Variants in FBXW7 observed in about 807,000 individuals in gnomAD.
The protein encoded by FBXW7 is F-box and WD repeat domain containing 7, also known as F-box/WD repeat-containing protein 7.
FBXW7 carries 11 observed loss-of-function variants against 86.3 expected under a neutral mutation model. That is an observed-to-expected ratio of 0.13 (90% CI 0.08 to 0.21). The LOEUF is 0.21. Among genes scored for constraint, FBXW7 ranks in the 10% least tolerant of loss-of-function variants. FBXW7 has a pLI of 1.00. For missense variants in FBXW7, 488 were observed against 847.4 expected (o/e 0.58, Z 5.27); for synonymous variants, 313 against 297.9 (o/e 1.05, Z -0.52).
chr4:152,493,650 C>A (rs1746062060), intron 2 of FBXW7, among the ~76,000 whole-genome samples: 1 of 152,012 alleles, frequency 6.6e-6, no homozygotes, highest in African/African-American at 2.4e-5. Flanking sequence ...ACACAGACAC[C>A]AGAAATGCAT....
At chr4:152,504,532 A>C (rs1384401853) in intron 2 of FBXW7, among the ~76,000 whole-genome samples, 1 of 152,190 alleles carries the variant, frequency 6.6e-6, no homozygotes, top group Non-Finnish European at 1.5e-5. Context: ...AAATGGATAC[A>C]GTTTTGCTTC....
chr4:152,351,601 C>T (rs897946340), intron 4 of FBXW7, among the ~76,000 whole-genome samples: 1 of 151,918 alleles, frequency 6.6e-6, no homozygotes, highest in African/African-American at 2.4e-5. Context: ...TAGATACACA[C>T]ATATATATAT....
intron 4 of FBXW7, among the ~76,000 whole-genome samples, chr4:152,359,076 C>T (rs1415218181): frequency 6.6e-6 from 1 of 152,058 alleles, no homozygotes; most frequent in African/African-American, 2.4e-5. Flanking sequence ...TTTATTGAAT[C>T]GTTATTTTAG....
chr4:152,367,626 T>C (rs533460078), intron 4 of FBXW7, among the ~76,000 whole-genome samples: 7 of 152,276 alleles, frequency 4.6e-5, no homozygotes, highest in Admixed American at 3.9e-4. Flanking sequence ...TTTCTGGGCA[T>C]ACCATTCACT....
chr4:152,400,820 A>AT (rs1736859747), intron 4 of FBXW7, among the ~76,000 whole-genome samples: 1 of 152,224 alleles, frequency 6.6e-6, no homozygotes, highest in South Asian at 2.1e-4. Flanking sequence ...TGCACATGGG[A>AT]TAAACGATTG....
chr4:152,459,306 A>G (rs191239649), intron 2 of FBXW7, among the ~76,000 whole-genome samples: 135 of 152,362 alleles, frequency 8.9e-4, no homozygotes, highest in African/African-American at 3.0e-3. Context: ...AAGCTAATTC[A>G]ATAAAACAGA....
chr4:152,454,276 T>C (rs78342783), intron 2 of FBXW7, among the ~76,000 whole-genome samples: 262 of 131,652 alleles, frequency 2.0e-3, no homozygotes, highest in African/African-American at 7.1e-3. Context: ...TTTTTTTTTT[T>C]CCACGCCAAT....
chr4:152,495,209 G>A (rs960737035), intron 2 of FBXW7, among the ~76,000 whole-genome samples: 3 of 152,126 alleles, frequency 2.0e-5, no homozygotes, highest in Non-Finnish European at 2.9e-5. Flanking sequence ...AAGACAGGCA[G>A]ATCACCTGAG....
intron 4 of FBXW7, among the ~76,000 whole-genome samples, chr4:152,406,278 G>C (rs973254132): frequency 1.3e-5 from 2 of 152,022 alleles, no homozygotes; most frequent in African/African-American, 2.4e-5. Flanking sequence ...TTATTCTTTA[G>C]TCTACAATGA....
At chr4:152,323,951 A>C in intron 13 of FBXW7, 1 of 470,238 alleles carries the variant, frequency 2.1e-6, no homozygotes, top group Non-Finnish European at 3.8e-6. Context: ...AGTAGAGTCA[A>C]TTGAACATGC....
At chr4:152,513,926 T>G (rs978803177) in intron 2 of FBXW7, among the ~76,000 whole-genome samples, 1 of 152,238 alleles carries the variant, frequency 6.6e-6, no homozygotes, top group Non-Finnish European at 1.5e-5. Flanking sequence ...GAGCACTTAC[T>G]TGAAATGTGA....
At chr4:152,415,754 T>C (rs1419190628) in intron 2 of FBXW7, among the ~76,000 whole-genome samples, 1 of 152,118 alleles carries the variant, frequency 6.6e-6, no homozygotes, top group African/African-American at 2.4e-5. Flanking sequence ...CTCTCTCACT[T>C]TGTTCCACCC....
intron 7 of FBXW7, among the ~76,000 whole-genome samples, chr4:152,336,432 G>C (rs918187807): frequency 2.0e-5 from 3 of 151,922 alleles, no homozygotes; most frequent in Non-Finnish European, 4.4e-5. Context: ...TTAGAAATAA[G>C]AGAAAAAATG....
At chr4:152,377,511 G>A (rs1734656963) in intron 4 of FBXW7, among the ~76,000 whole-genome samples, 1 of 151,838 alleles carries the variant, frequency 6.6e-6, no homozygotes, top group Non-Finnish European at 1.5e-5. Context: ...CAGCCCTCTG[G>A]GAGACCGAGG....
intron 4 of FBXW7, among the ~76,000 whole-genome samples, chr4:152,402,712 T>C (rs1292835796): frequency 6.6e-6 from 1 of 152,094 alleles, no homozygotes; most frequent in South Asian, 2.1e-4. Flanking sequence ...TTAAGATAAA[T>C]GAGAAAAAAT....
intron 2 of FBXW7, among the ~76,000 whole-genome samples, chr4:152,433,598 T>C (rs538428713): frequency 2.6e-5 from 4 of 152,346 alleles, no homozygotes; most frequent in South Asian, 2.1e-4. Flanking sequence ...CTGTGATTGT[T>C]TGCCCTTTCT....
chr4:152,349,830 C>T lies in FBXW7; in HGVS notation c.584+212G>A, dbSNP rs576012331. ...TCACAAGATAATTTCTGCTTGTGTC[C>T]TACTTCAAAATGTATTAGTAACAAA... On this transcript the variant is annotated intron_variant, in intron 5 of 13. Transcript: ENST00000281708. 2.0e-5 allele frequency among the ~76,000 whole-genome samples: 3 copies of T among 151,714 alleles called. No individual in the cohort carries two copies. In the South Asian group the frequency reaches 6.2e-4, roughly 32 times the overall value.
intron 4 of FBXW7, among the ~76,000 whole-genome samples, chr4:152,370,791 A>G (rs1014447919): frequency 1.3e-5 from 2 of 151,634 alleles, no homozygotes; most frequent in African/African-American, 2.4e-5. Context: ...AATATTCAGT[A>G]TAGAAAAACA....
At chr4:152,506,034 G>A (rs1747388070) in intron 2 of FBXW7, among the ~76,000 whole-genome samples, 1 of 151,908 alleles carries the variant, frequency 6.6e-6, no homozygotes, top group Admixed American at 6.6e-5. Context: ...TTCAAACAGT[G>A]CATTCTAAAG....
Sources: allele counts gnomAD v4.1 joint callset (sites outside exome capture counted in the v4.1 genomes callset), GRCh38; gene constraint gnomAD v4.1.1; transcripts MANE v1.5; gene names NCBI Gene and HGNC (gene_info 2026-07-23, HGNC 2026-07-21).